The following NUP62 variants were observed in gnomAD, a reference collection of about 807,000 sequenced individuals.
NUP62 encodes the protein nuclear pore glycoprotein p62.
For missense variants in NUP62, 647 were observed against 689.4 expected (o/e 0.94, Z 0.69); for synonymous variants, 305 against 303.4 (o/e 1.01, Z -0.05).
intron 2 of NUP62, among the ~76,000 whole-genome samples, chr19:49,916,161 A>T (rs531591462): frequency 2.8e-4 from 42 of 152,290 alleles, no homozygotes; most frequent in African/African-American, 9.9e-4. Context: ...GGGAAACCAG[A>T]GCTTTCCAGG....
intron 2 of NUP62, among the ~76,000 whole-genome samples, chr19:49,918,901 GGGGGGGGCGGGGTGT>G (rs1568715758): frequency 1.3e-5 from 2 of 149,316 alleles, no homozygotes; most frequent in African/African-American, 4.9e-5. Context: ...AGGCTGGGGG[GGGGGGGGCGGGGTGT>G]GGGGGGGCGG....
In NUP62 at chr19:49,909,715, C is replaced by A; in HGVS notation, c.93G>T (p.Gly31=). 1 of 1,614,114 alleles carries A rather than the reference C, an allele frequency of 6.2e-7. No individual in the cohort carries two copies. ...AKTATTTPAT[G]FSFSTSGTGG... ...CAGTGCCAGAGGTGGAGAAAGAAAA[C>A]CCTGTAGCAGGTGTGGTTGTTGCCG... Residue 31 remains glycine (G), a synonymous_variant, in exon 3 of 3, where the codon GGG becomes GGT. Transcript: ENST00000352066.
intron 2 of NUP62, among the ~76,000 whole-genome samples, chr19:49,912,420 C>T (rs533229288): frequency 8.0e-4 from 122 of 152,206 alleles, no homozygotes; most frequent in African/African-American, 2.3e-3. Flanking sequence ...CCGCTTGCCT[C>T]GGCCTCCCAA....
At chr19:49,925,037 G>A (rs563082740) in intron 2 of NUP62, among the ~76,000 whole-genome samples, 13 of 152,260 alleles carry the variant, frequency 8.5e-5, no homozygotes, top group African/African-American at 2.6e-4. Context: ...TGAGGCGGGT[G>A]GATCGCCTGA....
Position 49,909,260 on chromosome 19 carries a change from G to A in NUP62, c.548C>T (p.Thr183Met), listed in dbSNP as rs756420654. The A allele has an allele frequency of 1.6e-5, 26 of 1,613,986 alleles. No homozygotes were observed. In the Middle Eastern group the frequency reaches 4.9e-4, roughly 31 times the overall value. ...AGTGAAGGGCAACGTGGCAGGTGCC[G>A]TGGGCTGGGCTGAATTCCCTGCTGA... ...IGSAGNSAQP[T>M]APATLPFTPA... The change falls in exon 3 of 3, where the codon ACG becomes ATG. Residue 183 changes from threonine (T) to methionine (M), a missense_variant. Transcript: ENST00000352066.
chr19:49,926,797 TAACTGCTCGACACGGATTAACTC>T (rs1463568452), intron 2 of NUP62, among the ~76,000 whole-genome samples: 1 of 151,894 alleles, frequency 6.6e-6, no homozygotes, highest in African/African-American at 2.4e-5. Context: ...GGCGTTAGTC[TAACTGCTCGACACGGATTAACTC>T]ATTTAATCCT....
chr19:49,927,444 T>C lies in NUP62; in HGVS notation c.-78+250A>G, dbSNP rs1182199739. 1.4e-4 allele frequency among the ~76,000 whole-genome samples: 22 copies of C among 152,204 alleles called. 2 individuals are homozygous for C. The highest frequency in any genetic ancestry group is 1.4e-3 in the Admixed American group (22 of 15,282). On this transcript the variant is annotated intron_variant, in intron 2 of 2. Coordinates refer to ENST00000352066, the MANE Select transcript of NUP62 (RefSeq NM_016553.5). ...TTTGGTAAGGTTTACAAATTTGTGT[T>C]AGGCTGCATTCAAAGCTGTTCTAGG...
At chr19:49,913,304 T>C (rs1195726451) in intron 2 of NUP62, 1 of 152,164 alleles carries the variant, frequency 6.6e-6, no homozygotes, top group Non-Finnish European at 1.5e-5. Flanking sequence ...AGAGAGAAAA[T>C]GGCCCTTGAC....
At chr19:49,915,422 G>A (rs2075598751) in intron 2 of NUP62, among the ~76,000 whole-genome samples, 1 of 152,190 alleles carries the variant, frequency 6.6e-6, no homozygotes, top group African/African-American at 2.4e-5. Context: ...AGGAACACAG[G>A]CGGCTTCGGC....
At chr19:49,923,282 CT>C (rs1370656597) in intron 2 of NUP62, among the ~76,000 whole-genome samples, 1 of 152,198 alleles carries the variant, frequency 6.6e-6, no homozygotes, top group Non-Finnish European at 1.5e-5. Flanking sequence ...CACCCCTGGC[CT>C]GCGTGACCCA....
intron 2 of NUP62, among the ~76,000 whole-genome samples, chr19:49,914,068 G>A (rs997676914): frequency 6.6e-6 from 1 of 152,138 alleles, no homozygotes; most frequent in Non-Finnish European, 1.5e-5. Context: ...ACAGTGACAG[G>A]CCAGGCATGA....
rs753146756 is a variant in NUP62 at position 49,908,654 on chromosome 19, T to C, written c.1154A>G (p.Asp385Gly). 6.8e-6 allele frequency: 11 copies of C among 1,612,708 alleles called. No individual in the cohort carries two copies. Among genetic ancestry groups the C allele is most frequent in the Non-Finnish European group, 8.5e-6 (10 of 1,180,026 alleles). ...LHREVEKVKL[D>G]QKRLDQELDF... The stretch of plus-strand genomic sequence containing the variant: ...GAGCTCCTGGTCCAGCCTCTTCTGG[T>C]CCAGCTTCACCTTCTCCACCTCGCG... The change falls in exon 3 of 3, where the codon GAC becomes GGC. Residue 385 changes from aspartate (D) to glycine (G), a missense_variant. By Grantham distance (94) the Asp-to-Gly change is moderately conservative. Transcript: ENST00000352066.
intron 2 of NUP62, among the ~76,000 whole-genome samples, chr19:49,924,390 T>C (rs1235017701): frequency 6.6e-6 from 1 of 152,124 alleles, no homozygotes; most frequent in African/African-American, 2.4e-5. Context: ...TTCTCCCTTA[T>C]CCAAGGCTCT....
intron 2 of NUP62, among the ~76,000 whole-genome samples, chr19:49,913,617 G>C (rs1423775884): frequency 6.6e-6 from 1 of 152,244 alleles, no homozygotes; most frequent in Admixed American, 6.5e-5. Context: ...CTGCAGAGGA[G>C]AGCTGGAAGC....
rs1460972286 is a variant in NUP62, at chr19:49,911,270, C to G, written c.-77-1386G>C. ...GAAAGCTTGTGGTGACACGAGCAGA[C>G]TGGAGTGATGCGCTTTGGAATCTGA... On this transcript the variant is annotated intron_variant, in intron 2 of 2. Coordinates refer to ENST00000352066, the MANE Select transcript of NUP62 (RefSeq NM_016553.5). 3 of 152,148 alleles carry G rather than the reference C, an allele frequency of 2.0e-5. No individual in the cohort carries two copies. In the East Asian group the frequency reaches 5.8e-4, roughly 29 times the overall value. 9.4% of individuals were successfully genotyped at this position (152,148 alleles called of 1,614,324 possible).
intron 2 of NUP62, among the ~76,000 whole-genome samples, chr19:49,912,557 G>T (rs1222267054): frequency 6.6e-6 from 1 of 152,110 alleles, no homozygotes; most frequent in African/African-American, 2.4e-5. Context: ...TACTGATCCA[G>T]CCCTGATCCA....
At chr19:49,914,705 C>T (rs933645199) in intron 2 of NUP62, among the ~76,000 whole-genome samples, 81 of 110,860 alleles carry the variant, frequency 7.3e-4, no homozygotes, top group African/African-American at 2.4e-3. Context: ...ATCTGTGATT[C>T]TTGTGCCACT....
rs750766145 is a variant in NUP62 at position 49,908,422 on chromosome 19, C to T, written c.1386G>A (p.Gly462=). 24 of 1,613,998 alleles carry T rather than the reference C, an allele frequency of 1.5e-5. No homozygotes were observed. Among genetic ancestry groups the T allele is most frequent in the Admixed American group, 8.3e-5 (5 of 60,006 alleles). Residue 462 remains glycine (G), a synonymous_variant, in exon 3 of 3, where the codon GGG becomes GGA. Coordinates refer to ENST00000352066, the MANE Select transcript of NUP62 (RefSeq NM_016553.5). Reference sequence around the variant, plus strand: ...GTGGGTCACTGGTGTCGGCGGGGGCCCCGGACGTGTTCAGGTGCTCGATGA... The same window carrying T: ...GTGGGTCACTGGTGTCGGCGGGGGCTCCGGACGTGTTCAGGTGCTCGATGA... The part of the protein sequence containing the change: ...KDIIEHLNTS[G]APADTSDPLQ...
At chr19:49,917,828 C>G (rs1044200780) in intron 2 of NUP62, 8 of 152,142 alleles carry the variant, frequency 5.3e-5, no homozygotes, top group African/African-American at 1.7e-4. Flanking sequence ...GTCAGGAGTT[C>G]GAGACCAAGC....
Sources: gnomAD v4.1 joint callset for allele counts (sites outside exome capture counted in the v4.1 genomes callset) on GRCh38, gnomAD v4.1.1 for gene constraint, MANE v1.5 for transcripts, NCBI Gene and HGNC (gene_info 2026-07-23, HGNC 2026-07-21) for gene names.